GLB1: variants seen among roughly 807,000 people sequenced by gnomAD.
GLB1 encodes the protein beta-galactosidase.
In GLB1, 56 loss-of-function variants were observed where a neutral mutation model predicts 74.0. The observed-to-expected ratio is 0.76, with a 90% CI of 0.61 to 0.94. The LOEUF is 0.94. Among genes scored for constraint, GLB1 ranks in the 40% least tolerant of loss-of-function variants. The probability of loss-of-function intolerance (pLI) is 0.00; values close to 1 mark genes in which losing one functional copy is unlikely to be tolerated. For missense variants in GLB1, 787 were observed against 845.5 expected, an observed-to-expected ratio of 0.93 and a Z score of 0.86; for synonymous variants, 323 against 323.6, an observed-to-expected ratio of 1.00 and a Z score of 0.02.
At chr3:33,046,321 A>G in intron 9 of GLB1, 89 bp from the exon 10 acceptor site, 1 of 1,468,986 alleles carries the variant, frequency 6.8e-7, no homozygotes, top group Non-Finnish European at 9.4e-7. Flanking sequence ...CACTGTAGAG[A>G]GAGAAAACTA....
the GLB1 span, among the ~76,000 whole-genome samples, chr3:32,986,594 C>CT: frequency 8.3e-3 from 1,177 of 142,388 alleles, 3 homozygotes; most frequent in Non-Finnish European, 0.011. Flanking sequence ...GACTGTTTCT[C>CT]TTTTTTTTTT....
chr3:32,964,847 C>G, the GLB1 span, among the ~76,000 whole-genome samples: 1 of 152,110 alleles, frequency 6.6e-6, no homozygotes, highest in African/African-American at 2.4e-5. Flanking sequence ...TGGGAGGGAC[C>G]CAGTGGGAGG....
At chr3:33,018,089 G>A (rs1343668515) in intron 13 of GLB1, among the ~76,000 whole-genome samples, 1 of 151,894 alleles carries the variant, frequency 6.6e-6, no homozygotes, top group Admixed American at 6.6e-5. Flanking sequence ...TTCAAGACCA[G>A]CCTGGGCAAC....
At chr3:33,018,649 T>C in intron 12 of GLB1, 88 bp from the exon 13 acceptor site, 1 of 1,377,730 alleles carries the variant, frequency 7.3e-7, no homozygotes, top group Non-Finnish European at 1.0e-6. Context: ...GAAAGCGATG[T>C]TTCTCAAACC....
chr3:33,021,386 A>C, intron 12 of GLB1, 180 bp downstream of exon 12: 1 of 698,554 alleles, frequency 1.4e-6, no homozygotes, highest in Non-Finnish European at 2.4e-6. Context: ...AGGCATGATC[A>C]GCCCACCACG....
In GLB1 at chr3:33,045,579, T is replaced by C. The variant is rs191421492; in HGVS notation, c.1068+541A>G. On this transcript the variant is annotated intron_variant, in intron 10 of 15. Coordinates refer to ENST00000307363, the MANE Select transcript of GLB1 (RefSeq NM_000404.4). ...AATAATTCTTATACACTTTGGTTAC[T>C]GGAAACTTACTTTTTTCAGATGATG... is the stretch of plus-strand genomic sequence containing the variant. 4.3e-4 allele frequency: 424 copies of C among 991,292 alleles called. 8 individuals carry two copies. The East Asian group carries it at 0.013, about 31-fold the overall frequency. The allele number at this position is 991,292 out of a possible 1,614,324, so 61.4% of individuals were successfully genotyped here.
intron 1 of GLB1, among the ~76,000 whole-genome samples, chr3:33,074,866 C>A (rs1169520310): frequency 1.3e-5 from 2 of 152,124 alleles, no homozygotes; most frequent in Non-Finnish European, 2.9e-5. Flanking sequence ...CAGCATGAGT[C>A]CTAGATCACA....
chr3:33,047,271 G>A (rs1698778007), intron 9 of GLB1, among the ~76,000 whole-genome samples: 1 of 152,222 alleles, frequency 6.6e-6, no homozygotes, highest in African/African-American at 2.4e-5. Flanking sequence ...AAGGGGCGGG[G>A]TCTAGACCAG....
intron 15 of GLB1, among the ~76,000 whole-genome samples, chr3:33,010,919 T>C (rs1335564591): frequency 1.3e-5 from 2 of 152,188 alleles, no homozygotes; most frequent in Non-Finnish European, 2.9e-5. Context: ...TGCAGTGGCA[T>C]GCTCTTGGCT....
intron 11 of GLB1, among the ~76,000 whole-genome samples, chr3:33,023,805 C>T (rs1035843392): frequency 7.9e-5 from 12 of 152,130 alleles, no homozygotes; most frequent in African/African-American, 2.9e-4. Flanking sequence ...AAAATTAGGA[C>T]ATGACTTTGA....
chr3:33,022,558 G>A (rs1697535502), intron 11 of GLB1, among the ~76,000 whole-genome samples: 1 of 26,184 alleles, frequency 3.8e-5, no homozygotes, highest in Non-Finnish European at 1.3e-4. Flanking sequence ...TATAATACTG[G>A]TTAGGATTTT....
chr3:33,090,984 A>G, intron 1 of GLB1: 2 of 985,440 alleles, frequency 2.0e-6, no homozygotes, highest in South Asian at 9.4e-5. Flanking sequence ...CACTGATGAG[A>G]AAGATGTAAA....
chr3:33,042,349 T>C (rs963290055), intron 10 of GLB1, among the ~76,000 whole-genome samples: 2 of 141,752 alleles, frequency 1.4e-5, no homozygotes, highest in Admixed American at 7.2e-5. Flanking sequence ...CCCATCTATA[T>C]CCCTGACCCC....
chr3:33,039,518 C>T (rs556953151), intron 10 of GLB1, among the ~76,000 whole-genome samples: 2 of 152,068 alleles, frequency 1.3e-5, no homozygotes, highest in African/African-American at 4.8e-5. Flanking sequence ...TTCACTCAGA[C>T]AGTTGAAAAG....
chr3:33,075,409 C>T (rs757220819), intron 1 of GLB1, among the ~76,000 whole-genome samples: 1 of 152,196 alleles, frequency 6.6e-6, no homozygotes, highest in African/African-American at 2.4e-5. Context: ...TTGTCCCATA[C>T]ATGGTGGGAC....
chr3:33,063,141 G>T (rs995861218), intron 5 of GLB1, among the ~76,000 whole-genome samples: 5 of 152,012 alleles, frequency 3.3e-5, no homozygotes, highest in African/African-American at 1.2e-4. Flanking sequence ...CATGAAAGAT[G>T]ATGAAAGAAT....
intron 9 of GLB1, among the ~76,000 whole-genome samples, chr3:33,050,463 A>C (rs1294131335): frequency 2.6e-5 from 4 of 152,278 alleles, no homozygotes; most frequent in Non-Finnish European, 5.9e-5. Flanking sequence ...AGCAATAAAA[A>C]GGAATGAAGC....
At chr3:33,090,773 T>C (rs1700723846) in intron 1 of GLB1, 1 of 985,330 alleles carries the variant, frequency 1.0e-6, no homozygotes, top group South Asian at 4.7e-5. Context: ...CGAGAGGGTG[T>C]TGATGTTGTT....
At chr3:32,992,576 A>C (rs937308672), downstream of GLB1, among the ~76,000 whole-genome samples, 7 of 152,222 alleles carry the variant, frequency 4.6e-5, no homozygotes, top group African/African-American at 1.7e-4. Flanking sequence ...GGAGAATAAG[A>C]AATTTAGACT....
Sources: gnomAD v4.1 joint callset for allele counts (sites outside exome capture counted in the v4.1 genomes callset) on GRCh38, gnomAD v4.1.1 for gene constraint, MANE v1.5 for transcripts, NCBI Gene and HGNC (gene_info 2026-07-23, HGNC 2026-07-21) for gene names.